NEDD9: variants seen among roughly 807,000 people sequenced by gnomAD.
NEDD9 encodes the protein enhancer of filamentation 1.
A neutral mutation model predicts 76.6 loss-of-function variants in NEDD9; 26 were observed. The observed-to-expected ratio is 0.34, with a 90% CI of 0.25 to 0.47. The LOEUF (loss-of-function observed/expected upper bound fraction) is 0.47, where lower values mean the gene tolerates loss of function less well. NEDD9 is among the 20% of genes least tolerant of loss of function. The probability of loss-of-function intolerance (pLI) is 1.00; values close to 1 mark genes in which losing one functional copy is unlikely to be tolerated. For synonymous variants in NEDD9, 392 were observed against 414.2 expected (o/e 0.95, Z 0.65); for missense variants, 937 against 1,058.5 (o/e 0.89, Z 1.59).
At chr6:11,332,967 CG>C (rs1561838319) in intron 2 of NEDD9, among the ~76,000 whole-genome samples, 1 of 150,654 alleles carries the variant, frequency 6.6e-6, no homozygotes, top group African/African-American at 2.4e-5. Context: ...AGGAGTCCCA[CG>C]GTTTCCCATA....
intron 1 of NEDD9, among the ~76,000 whole-genome samples, chr6:11,373,540 T>C (rs1015987990): frequency 6.6e-6 from 1 of 152,246 alleles, no homozygotes; most frequent in African/African-American, 2.4e-5. Context: ...CCCTTCCATA[T>C]GTAAGCTTCT....
intron 3 of NEDD9, among the ~76,000 whole-genome samples, chr6:11,254,710 G>T (rs1260439629): frequency 6.6e-6 from 1 of 152,206 alleles, no homozygotes; most frequent in Admixed American, 6.5e-5. Context: ...GGCCCCAAAG[G>T]TGGTGGTAAC....
chr6:11,260,594 C>T (rs551399320), intron 3 of NEDD9, among the ~76,000 whole-genome samples: 12 of 152,278 alleles, frequency 7.9e-5, no homozygotes, highest in South Asian at 2.1e-4. Flanking sequence ...TCATCCCACC[C>T]GTTGTCACTC....
chr6:11,197,620 C>T (rs1758323992), intron 2 of NEDD9, among the ~76,000 whole-genome samples: 1 of 152,170 alleles, frequency 6.6e-6, no homozygotes, highest in Non-Finnish European at 1.5e-5. Flanking sequence ...TAATACATCT[C>T]CAAGTCTGGG....
intron 3 of NEDD9, among the ~76,000 whole-genome samples, chr6:11,272,415 A>C (rs1760328092): frequency 6.6e-6 from 1 of 152,218 alleles, no homozygotes. Context: ...TTCTACTTTT[A>C]AGGTTTCTGG....
intron 1 of NEDD9, among the ~76,000 whole-genome samples, chr6:11,355,928 A>C (rs370500519): frequency 1.2e-3 from 175 of 152,148 alleles, no homozygotes; most frequent in South Asian, 6.6e-3. Flanking sequence ...TCACCGTGTT[A>C]GCCAGGATGG....
At chr6:11,332,753 T>G (rs532272321) in intron 2 of NEDD9, among the ~76,000 whole-genome samples, 39 of 152,274 alleles carry the variant, frequency 2.6e-4, no homozygotes, top group African/African-American at 9.4e-4. Flanking sequence ...CAATGGCACG[T>G]TCTCAGCATC....
chr6:11,324,336 T>G (rs1761876919), intron 2 of NEDD9, among the ~76,000 whole-genome samples: 1 of 152,184 alleles, frequency 6.6e-6, no homozygotes, highest in African/African-American at 2.4e-5. Context: ...CTGGCTGCCC[T>G]GGACTCCTGC....
intron 1 of NEDD9, among the ~76,000 whole-genome samples, chr6:11,223,477 C>A (rs1759207173): frequency 7.3e-6 from 1 of 137,440 alleles, no homozygotes; most frequent in African/African-American, 2.8e-5. Context: ...GAAAAAAAAA[C>A]TTCCTCTAGG....
chr6:11,185,298 A>G lies in NEDD9; in HGVS notation c.2369T>C (p.Ile790Thr). The G allele has an allele frequency of 6.2e-7, 1 of 1,614,096 alleles. No homozygotes were observed. Among genetic ancestry groups the G allele is most frequent in the Non-Finnish European group, 8.5e-7 (1 of 1,180,020 alleles). Reference protein sequence around the residue: ...SNQLCEQLKTIVMATKMAALH... With the variant: ...SNQLCEQLKTTVMATKMAALH... ...GGCGGCCATCTTGGTTGCCATGACT[A>G]TGGTCTTGAGCTGCTCGCAGAGCTG... Residue 790 changes from isoleucine (I) to threonine (T), a missense_variant, in exon 7 of 7, where the codon ATA becomes ACA. Coordinates refer to ENST00000379446, the MANE Select transcript of NEDD9 (RefSeq NM_006403.4).
intron 3 of NEDD9, chr6:11,249,359 T>C: frequency 2.8e-6 from 1 of 359,084 alleles, no homozygotes; most frequent in South Asian, 2.2e-5. Context: ...CTCTATAAAG[T>C]CTGTAGAGAC....
chr6:11,374,927 A>C (rs1762947200), intron 1 of NEDD9, among the ~76,000 whole-genome samples: 1 of 151,966 alleles, frequency 6.6e-6, no homozygotes. Context: ...TTTATTTTTT[A>C]ATCTTGGGGA....
chr6:11,278,743 G>C (rs1760468854), intron 3 of NEDD9, among the ~76,000 whole-genome samples: 1 of 152,134 alleles, frequency 6.6e-6, no homozygotes, highest in Admixed American at 6.6e-5. Flanking sequence ...TCTTGCCTAG[G>C]CCAGTGAAAA....
chr6:11,363,483 GA>G (rs769436208), intron 1 of NEDD9, among the ~76,000 whole-genome samples: 20 of 152,214 alleles, frequency 1.3e-4, no homozygotes, highest in East Asian at 3.9e-4. Flanking sequence ...GAATGGGGGG[GA>G]AGTCTGAAAT....
At chr6:11,234,711 AAT>A (rs1491384762), upstream of NEDD9, among the ~76,000 whole-genome samples, 2 of 98,118 alleles carry the variant, frequency 2.0e-5, no homozygotes, top group South Asian at 3.6e-4. Context: ...AAACATTTTT[AAT>A]TTTTTTTTTT....
chr6:11,300,324 A>G (rs952699137), intron 3 of NEDD9, among the ~76,000 whole-genome samples: 1 of 152,230 alleles, frequency 6.6e-6, no homozygotes, highest in Admixed American at 6.5e-5. Context: ...AAAAGAGTAA[A>G]AGGAAATGAA....
intron 1 of NEDD9, among the ~76,000 whole-genome samples, chr6:11,350,068 G>A (rs932007805): frequency 2.6e-4 from 40 of 152,316 alleles, no homozygotes; most frequent in African/African-American, 8.9e-4. Context: ...GCTGGCCTGG[G>A]CAATACAGTT....
chr6:11,346,621 G>A (rs1046583951), intron 1 of NEDD9, among the ~76,000 whole-genome samples: 4 of 152,130 alleles, frequency 2.6e-5, no homozygotes, highest in Non-Finnish European at 5.9e-5. Flanking sequence ...AGGCTGGTCT[G>A]GACTCTCATC....
chr6:11,344,918 C>T (rs1762337167), intron 1 of NEDD9, among the ~76,000 whole-genome samples: 1 of 152,138 alleles, frequency 6.6e-6, no homozygotes. Flanking sequence ...AGTCGAAGTA[C>T]TCATACTTCT....
Sources: allele counts gnomAD v4.1 joint callset (sites outside exome capture counted in the v4.1 genomes callset), GRCh38; gene constraint gnomAD v4.1.1; transcripts MANE v1.5; gene names NCBI Gene and HGNC (gene_info 2026-07-23, HGNC 2026-07-21).